The following LAMA3 variants were observed in gnomAD, a reference collection of about 807,000 sequenced individuals.
The protein encoded by LAMA3 is laminin subunit alpha 3, also known as laminin subunit alpha-3.
A neutral mutation model predicts 402.0 loss-of-function variants in LAMA3; 281 were observed. The observed-to-expected ratio is 0.70, with a 90% CI of 0.63 to 0.77. LAMA3 has a LOEUF of 0.77. LAMA3 is among the 30% of genes least tolerant of loss of function. The pLI is 0.00. For synonymous variants in LAMA3, 1,431 were observed against 1,558.4 expected (o/e 0.92, Z 1.93); for missense variants, 3,840 against 4,215.5 (o/e 0.91, Z 2.47).
chr18:23,840,031 C>A, intron 27 of LAMA3, 102 bp downstream of exon 27: 3 of 1,232,272 alleles, frequency 2.4e-6, no homozygotes, highest in Non-Finnish European at 3.6e-6. Context: ...TTCACAGACC[C>A]ACTACAGACC....
At chr18:23,857,767 C>A in intron 32 of LAMA3, 77 bp from the exon 33 acceptor site, 1 of 1,577,606 alleles carries the variant, frequency 6.3e-7, no homozygotes. Context: ...ACCAATTAGT[C>A]CACTATAGTG....
chr18:23,833,679 C>T (rs1378166307), intron 23 of LAMA3, 149 bp from the exon 24 acceptor site: 1 of 792,476 alleles, frequency 1.3e-6, no homozygotes, highest in East Asian at 2.5e-5. Context: ...TCTGGCATCT[C>T]AACCTGTAGG....
intron 1 of LAMA3, among the ~76,000 whole-genome samples, chr18:23,706,657 A>G (rs1472399446): frequency 1.3e-5 from 2 of 152,108 alleles, no homozygotes; most frequent in Non-Finnish European, 2.9e-5. Context: ...TATTTTTCTT[A>G]TTGATTTGTA....
intron 11 of LAMA3, among the ~76,000 whole-genome samples, chr18:23,781,824 C>T (rs1224720623): frequency 2.0e-5 from 3 of 152,214 alleles, no homozygotes; most frequent in African/African-American, 7.2e-5. Context: ...ACCCTTCCTA[C>T]ATCTGCTGCT....
rs771108016 is a variant in LAMA3, at chr18:23,749,520, C to A, written c.658C>A (p.Arg220Ser). Residue 220 changes from arginine to serine, a missense_variant, in exon 4 of 75, where the codon CGT becomes AGT. Physicochemically the swap from Arg to Ser is moderately radical, Grantham distance 110. This residue lies in a region of LAMA3 where 2,109 missense variants were observed against 2,376.0 expected (regional missense o/e 0.89). Coordinates refer to ENST00000313654, the MANE Select transcript of LAMA3 (RefSeq NM_198129.4). ...TGTACTTTGTGTTACTGAATATTCC[C>A]GTATTGTACCTTTGGAAAATGGTGA... Reference protein sequence around the residue: ...DDVLCVTEYSRIVPLENGEVV... With the variant: ...DDVLCVTEYSSIVPLENGEVV... 3 of 1,605,870 alleles carry A rather than the reference C, an allele frequency of 1.9e-6. No individual in the cohort carries two copies. Among genetic ancestry groups the A allele is most frequent in the Non-Finnish European group, 2.6e-6 (3 of 1,172,696 alleles).
chr18:23,768,378 G>A (rs542804233), intron 8 of LAMA3, among the ~76,000 whole-genome samples: 79 of 152,156 alleles, frequency 5.2e-4, no homozygotes, highest in Non-Finnish European at 9.7e-4. Flanking sequence ...GCCAACAAAC[G>A]TATGAAAAAA....
intron 69 of LAMA3, among the ~76,000 whole-genome samples, chr18:23,945,603 G>C (rs1471269692): frequency 6.6e-6 from 1 of 152,166 alleles, no homozygotes; most frequent in Non-Finnish European, 1.5e-5. Flanking sequence ...ATAAATGGAA[G>C]TGTCCGTAGT....
intron 11 of LAMA3, among the ~76,000 whole-genome samples, chr18:23,778,367 A>G (rs2062366881): frequency 6.6e-6 from 1 of 152,234 alleles, no homozygotes; most frequent in Non-Finnish European, 1.5e-5. Flanking sequence ...GGAGAAACCC[A>G]GATAATAACA....
intron 2 of LAMA3, among the ~76,000 whole-genome samples, chr18:23,718,684 T>A (rs2061155085): frequency 6.6e-6 from 1 of 152,138 alleles, no homozygotes; most frequent in Admixed American, 6.5e-5. Flanking sequence ...AGATGGTCCT[T>A]TGGGCCTCGT....
chr18:23,771,629 T>C (rs1233495272), intron 8 of LAMA3, among the ~76,000 whole-genome samples: 4 of 152,178 alleles, frequency 2.6e-5, no homozygotes, highest in Non-Finnish European at 5.9e-5. Flanking sequence ...AAATGCATGG[T>C]GAAGTATTTA....
chr18:23,803,386 C>T (rs2062901480), intron 12 of LAMA3, among the ~76,000 whole-genome samples: 1 of 152,160 alleles, frequency 6.6e-6, no homozygotes, highest in African/African-American at 2.4e-5. Flanking sequence ...ATCCCTGCCC[C>T]CATGGCTACT....
intron 29 of LAMA3, 52 bp downstream of exon 29, chr18:23,842,802 C>T (rs770152630): frequency 6.8e-6 from 11 of 1,606,512 alleles, no homozygotes; most frequent in Non-Finnish European, 8.5e-7. Flanking sequence ...CCTGGCTGGC[C>T]ATTCTGGGTG....
intron 1 of LAMA3, among the ~76,000 whole-genome samples, chr18:23,710,841 T>G (rs1373464470): frequency 1.3e-5 from 2 of 152,182 alleles, no homozygotes. Context: ...TATTAAATTT[T>G]TAGAATAAAT....
intron 2 of LAMA3, among the ~76,000 whole-genome samples, chr18:23,747,140 T>C (rs944549692): frequency 2.0e-5 from 3 of 152,050 alleles, no homozygotes; most frequent in Non-Finnish European, 2.9e-5. Flanking sequence ...CACATTAACA[T>C]AGATTTGCTT....
At chr18:23,786,197 G>A (rs1421808436) in intron 12 of LAMA3, among the ~76,000 whole-genome samples, 3 of 152,164 alleles carry the variant, frequency 2.0e-5, no homozygotes, top group Non-Finnish European at 4.4e-5. Context: ...TTTCAGCCAT[G>A]ACCCCCTTCA....
At chr18:23,933,662 A>G in intron 66 of LAMA3, 120 bp from the exon 67 acceptor site, 1 of 1,054,272 alleles carries the variant, frequency 9.5e-7, no homozygotes. Flanking sequence ...TTTTGTACCC[A>G]TTAACCAACC....
intron 68 of LAMA3, among the ~76,000 whole-genome samples, chr18:23,941,323 G>T (rs981345255): frequency 1.6e-4 from 17 of 104,014 alleles, no homozygotes; most frequent in South Asian, 3.8e-4. Flanking sequence ...CCATCAGCTT[G>T]GCGCCCCCCC....
At chr18:23,722,224 C>A (rs1057220728) in intron 2 of LAMA3, among the ~76,000 whole-genome samples, 1 of 152,184 alleles carries the variant, frequency 6.6e-6, no homozygotes, top group African/African-American at 2.4e-5. Flanking sequence ...TCCCACCTTG[C>A]CTGGTCTGGC....
chr18:23,909,059 C>T, intron 54 of LAMA3, 94 bp from the exon 55 acceptor site: 1 of 1,229,710 alleles, frequency 8.1e-7, no homozygotes, highest in Non-Finnish European at 1.2e-6. Flanking sequence ...GGGGACCAAA[C>T]ATGCCACTTG....
Sources: gnomAD v4.1 joint callset for allele counts (sites outside exome capture counted in the v4.1 genomes callset) on GRCh38, gnomAD v4.1.1 for gene constraint, gnomAD v4.1.1 regional missense constraint, MANE v1.5 for transcripts, NCBI Gene and HGNC (gene_info 2026-07-23, HGNC 2026-07-21) for gene names.